The following GSG1L2 variants were observed in gnomAD, a reference collection of about 807,000 sequenced individuals.
The protein encoded by GSG1L2 is germ cell-specific gene 1-like protein 2.
A neutral mutation model predicts 9.0 loss-of-function variants in GSG1L2; 15 were observed. That is an observed-to-expected ratio of 1.67 (90% CI 1.12 to 2.57). The LOEUF (loss-of-function observed/expected upper bound fraction) is 2.57. GSG1L2 is among the 30% of genes most tolerant of loss of function. The pLI is 0.00. For synonymous variants in GSG1L2, 127 were observed against 57.9 expected, an observed-to-expected ratio of 2.19 and a Z score of -5.41; for missense variants, 286 against 150.3, an observed-to-expected ratio of 1.90 and a Z score of -4.72.
At chr17:9,811,993 ATCACT>A (rs1228172578) in intron 1 of GSG1L2, among the ~76,000 whole-genome samples, 3 of 151,902 alleles carry the variant, frequency 2.0e-5, no homozygotes, top group South Asian at 2.1e-4. Context: ...CTTATCACTT[ATCACT>A]TATCACTTAT....
chr17:9,810,472 C>A (rs2066534818), intron 2 of GSG1L2, 99 bp downstream of exon 2: 1 of 670,086 alleles, frequency 1.5e-6, no homozygotes, highest in South Asian at 1.6e-5. Context: ...GAAAAATCAT[C>A]AATGACTCCC....
chr17:9,816,882 C>CTG (rs376133234), intron 1 of GSG1L2, among the ~76,000 whole-genome samples: 6 of 36,154 alleles, frequency 1.7e-4, no homozygotes, highest in East Asian at 0.023. Context: ...GTGTGTGTAT[C>CTG]TGTGTGTGTG....
At chr17:9,821,670 GAAT>G (rs1429662606) in intron 1 of GSG1L2, 89 bp downstream of exon 1, 2 of 658,562 alleles carry the variant, frequency 3.0e-6, no homozygotes, top group Non-Finnish European at 5.6e-6. Context: ...GTTACCCCCA[GAAT>G]CTGCAGGATT....
Position 9,820,644 on chromosome 17 carries a change from A to G in GSG1L2, c.310+1118T>C, listed in dbSNP as rs565036459. Reference sequence around the variant, plus strand: ...GAGAGGGTGGAAGGGAGGGACATACAGCACCTCTGAGTGTTCCTTTTTTTT... The same window carrying G: ...GAGAGGGTGGAAGGGAGGGACATACGGCACCTCTGAGTGTTCCTTTTTTTT... On this transcript the variant is annotated intron_variant, in intron 1 of 4. Coordinates refer to ENST00000399363, the MANE Select transcript of GSG1L2 (RefSeq NM_001310219.2). This position sits in a 1 kb window ranked among gnomAD's most constrained non-coding sequence, Gnocchi z 4.9. Among the ~76,000 whole-genome samples the G allele has an allele frequency of 1.2e-4, 18 of 145,512 alleles. No homozygotes were observed. In the East Asian group the frequency reaches 3.4e-3, roughly 27 times the overall value.
At chr17:9,819,747 C>T (rs948200800) in intron 1 of GSG1L2, among the ~76,000 whole-genome samples, 7 of 152,088 alleles carry the variant, frequency 4.6e-5, no homozygotes, top group African/African-American at 1.7e-4. Flanking sequence ...ATTCTCCTGC[C>T]TCAGCCTCCC....
chr17:9,819,790 G>A (rs146152742), intron 1 of GSG1L2, among the ~76,000 whole-genome samples: 4 of 151,968 alleles, frequency 2.6e-5, no homozygotes, highest in African/African-American at 4.8e-5. Flanking sequence ...ACATCACCAC[G>A]CCCAGCTATT....
rs190970604 is a variant in GSG1L2 at position 9,802,413 on chromosome 17, G to T, written c.855C>A (p.Gly285=). The T allele has an allele frequency of 1.5e-6, 1 of 679,630 alleles. No homozygotes were observed. The highest frequency in any genetic ancestry group is 2.7e-6 in the Non-Finnish European group (1 of 372,222). 42.1% of individuals were successfully genotyped at this position (679,630 alleles called of 1,614,324 possible). A position where few individuals can be genotyped will look rare whatever the true frequency, so the allele number is the denominator to read the frequency against. ...FRNVSGHLPP[G]APGKVSIC is the part of the protein sequence containing the mutation. ...AGCATATGGACACCTTGCCTGGGGC[G>T]CCTGGTGGGAGGTGTCCAGAAACAT... The change falls in exon 5 of 5, where the codon GGC becomes GGA. Residue 285 remains glycine (G), a synonymous_variant. Transcript: ENST00000399363.
At chr17:9,807,706 CT>C in intron 3 of GSG1L2, 105 bp from the exon 4 acceptor site, 1 of 676,140 alleles carries the variant, frequency 1.5e-6, no homozygotes, top group South Asian at 1.6e-5. Context: ...TCATAAAGTC[CT>C]TTTGATGTAT....
At chr17:9,813,760 C>A (rs1409014823) in intron 1 of GSG1L2, among the ~76,000 whole-genome samples, 1 of 152,190 alleles carries the variant, frequency 6.6e-6, no homozygotes, top group Non-Finnish European at 1.5e-5. Flanking sequence ...ATACCATGGG[C>A]AATGTGTGGC....
chr17:9,818,784 A>C (rs34467148), intron 1 of GSG1L2, among the ~76,000 whole-genome samples: 45 of 151,560 alleles, frequency 3.0e-4, no homozygotes, highest in African/African-American at 1.0e-3. Context: ...CCTCTAACAA[A>C]GGCGGATGAC....
rs1377644605 is a variant in GSG1L2 at position 9,802,234 on chromosome 17, G to A, written c.*152C>T. Among the ~76,000 whole-genome samples the A allele has an allele frequency of 6.6e-6, 1 of 152,168 alleles. No homozygotes were observed. The highest frequency in any genetic ancestry group is 1.5e-5 in the Non-Finnish European group (1 of 68,038). On this transcript the variant is annotated 3_prime_UTR_variant, in exon 5 of 5. Transcript: ENST00000399363. ...CAGGAATCAAAGGCTAAAGCCAAAG[G>A]TGTTTAGTAAAAGGTGAGATGTGGA...
chr17:9,812,905 C>A (rs866844913), intron 1 of GSG1L2, among the ~76,000 whole-genome samples: 1 of 152,194 alleles, frequency 6.6e-6, no homozygotes, highest in South Asian at 2.1e-4. Context: ...ACCTGGCCAG[C>A]AGACAGCTTT....
chr17:9,808,804 G>C, intron 3 of GSG1L2, 26 bp downstream of exon 3: 1 of 702,328 alleles, frequency 1.4e-6, no homozygotes, highest in Non-Finnish European at 2.6e-6. Context: ...GGGGCAGCCT[G>C]TTCCAAGGAT....
chr17:9,809,020 C>A (rs1442960080), intron 2 of GSG1L2, 38 bp from the exon 3 acceptor site: 1 of 698,070 alleles, frequency 1.4e-6, no homozygotes, highest in Admixed American at 2.0e-5. Context: ...CTGGACACTT[C>A]TAATTCAGAA....
At position 9,801,039 on chromosome 17, in the gene GSG1L2, TC is replaced by T; in HGVS notation, c.*1346del. 6.6e-6 allele frequency among the ~76,000 whole-genome samples: 1 copy of T among 152,296 alleles called. No homozygotes were observed. The highest frequency in any genetic ancestry group is 3.4e-3 in the Middle Eastern group (1 of 294). ...CACGAAGGTAGCTGGATTTTTTTTT[TC>T]ATTTTTTTTATGACAGTATAAGTGT... On this transcript the variant is annotated 3_prime_UTR_variant, in exon 5 of 5. Transcript: ENST00000399363.
At position 9,812,314 on chromosome 17, in the gene GSG1L2, T is replaced by C. The variant is rs1172666633; in HGVS notation, c.311-1696A>G. Among the ~76,000 whole-genome samples, 4 of 152,194 alleles carry C rather than the reference T, an allele frequency of 2.6e-5. No individual in the cohort carries two copies. In the East Asian group the frequency reaches 5.8e-4, roughly 22 times the overall value. On this transcript the variant is annotated intron_variant, in intron 1 of 4. Transcript: ENST00000399363. ...AACCCCAAGTAATTTAATTTTCCTA[T>C]TCAAGAACTCTCTATGGCTCCCTAT...
chr17:9,808,994 CG>C lies in GSG1L2; in HGVS notation c.359-13del. 1 of 702,898 alleles carries C rather than the reference CG, an allele frequency of 1.4e-6. No homozygotes were observed. Among genetic ancestry groups the C allele is most frequent in the Non-Finnish European group, 2.6e-6 (1 of 384,930 alleles). The allele number at this position is 702,898 out of a possible 1,614,324, so 43.5% of individuals were successfully genotyped here. On this transcript the variant is annotated splice_polypyrimidine_tract_variant and intron_variant, in intron 2 of 4. Coordinates refer to ENST00000399363, the MANE Select transcript of GSG1L2 (RefSeq NM_001310219.2). ...CAGCCACAAAACACCTGCCAAAGAACGGGATGTTGGAAACGCTGGACACTTC... is the reference window on the plus strand; with the variant it reads ...CAGCCACAAAACACCTGCCAAAGAACGGATGTTGGAAACGCTGGACACTTC...
At position 9,820,481 on chromosome 17, in the gene GSG1L2, G is replaced by A. The variant is rs556206013; in HGVS notation, c.310+1281C>T. Among the ~76,000 whole-genome samples, 2 of 99,058 alleles carry A rather than the reference G, an allele frequency of 2.0e-5. No homozygotes were observed. Among genetic ancestry groups the A allele is most frequent in the East Asian group, 4.7e-3 (2 of 426 alleles). The allele number at this position is 99,058 out of a possible 152,430, so 65.0% of individuals were successfully genotyped here. A position where few individuals can be genotyped will look rare whatever the true frequency, so the allele number is the denominator to read the frequency against. On this transcript the variant is annotated intron_variant, in intron 1 of 4. Coordinates refer to ENST00000399363, the MANE Select transcript of GSG1L2 (RefSeq NM_001310219.2). The surrounding 1 kb of genome is among the most constrained non-coding windows in gnomAD (Gnocchi z 4.9). The stretch of plus-strand genomic sequence containing the variant: ...CACTCCCTGAGAAGCGAGGAACTGT[G>A]GAGGTCCTAAATAGCCTTAGCTCCA...
At chr17:9,816,904 GTGTATC>G (rs761906940) in intron 1 of GSG1L2, among the ~76,000 whole-genome samples, 3 of 86,154 alleles carry the variant, frequency 3.5e-5, no homozygotes, top group Admixed American at 1.5e-4. Flanking sequence ...ATCTGTGTGT[GTGTATC>G]TGTGTGTGTG....
Sources: gnomAD v4.1 joint callset for allele counts (sites outside exome capture counted in the v4.1 genomes callset) on GRCh38, gnomAD v4.1.1 for gene constraint, Gnocchi (gnomAD v3.1) non-coding constraint, MANE v1.5 for transcripts, NCBI Gene and HGNC (gene_info 2026-07-23, HGNC 2026-07-21) for gene names.